MED12L: variants seen among roughly 807,000 people sequenced by gnomAD.
The protein encoded by MED12L is mediator of RNA polymerase II transcription subunit 12-like protein.
Under a neutral mutation model 281.3 loss-of-function variants are expected in MED12L, and 60 were observed. That is an observed-to-expected ratio of 0.21 (90% CI 0.17 to 0.26). The LOEUF is 0.26. Ranked by LOEUF, MED12L falls within the 10% of genes least tolerant of loss-of-function variation. MED12L has a pLI of 1.00. For synonymous variants in MED12L, 974 were observed against 987.2 expected (o/e 0.99, Z 0.25); for missense variants, 2,146 against 2,680.9 (o/e 0.80, Z 4.41).
intron 16 of MED12L, chr3:151,295,286 C>T: frequency 1.1e-6 from 1 of 919,428 alleles, no homozygotes; most frequent in Non-Finnish European, 1.7e-6. Context: ...CCCTTACAGA[C>T]CCAACTTTTT....
At chr3:151,384,448 A>G (rs1712957825) in intron 35 of MED12L, among the ~76,000 whole-genome samples, 1 of 152,244 alleles carries the variant, frequency 6.6e-6, no homozygotes, top group Non-Finnish European at 1.5e-5. Flanking sequence ...TTAATTTTTT[A>G]AAGAACTTTA....
At chr3:151,141,191 T>TTTTTTG (rs1281559611) in intron 5 of MED12L, among the ~76,000 whole-genome samples, 4 of 143,294 alleles carry the variant, frequency 2.8e-5, no homozygotes, top group Non-Finnish European at 6.0e-5. Context: ...TTTTTTGTTT[T>TTTTTTG]TTTTTTTTTG....
intron 16 of MED12L, among the ~76,000 whole-genome samples, chr3:151,279,822 C>T (rs545088188): frequency 1.3e-5 from 2 of 152,276 alleles, no homozygotes; most frequent in South Asian, 2.1e-4. Flanking sequence ...CTCTAAGGTG[C>T]GACTCTCAAG....
intron 10 of MED12L, 52 bp from the exon 11 acceptor site, chr3:151,165,794 T>C: frequency 6.4e-7 from 1 of 1,572,446 alleles, no homozygotes; most frequent in Non-Finnish European, 8.7e-7. Context: ...TACTGTGTTA[T>C]AACTGTGTTA....
intron 3 of MED12L, among the ~76,000 whole-genome samples, chr3:151,120,103 T>C (rs551680418): frequency 1.3e-4 from 19 of 147,976 alleles, no homozygotes; most frequent in African/African-American, 4.5e-4. Context: ...TCGGCACCCA[T>C]AATCCCAGCT....
chr3:151,307,293 C>A (rs1746784245), intron 16 of MED12L, among the ~76,000 whole-genome samples: 1 of 152,102 alleles, frequency 6.6e-6, no homozygotes, highest in African/African-American at 2.4e-5. Context: ...TTATGAGTTA[C>A]CTCTTATTGT....
Position 151,225,906 on chromosome 3 carries a change from T to G in MED12L, c.2250+32240T>G, listed in dbSNP as rs142580707. 1.1e-3 allele frequency among the ~76,000 whole-genome samples: 164 copies of G among 152,360 alleles called. 3 individuals are homozygous for G. In the East Asian group the frequency reaches 0.029, roughly 27 times the overall value. ...AGTTTTTGATATCATTGATTTCCCCTTGTTGAAATCTGCTGTTTATAAAGT... is the reference window on the plus strand; with the variant it reads ...AGTTTTTGATATCATTGATTTCCCCGTGTTGAAATCTGCTGTTTATAAAGT... On this transcript the variant is annotated intron_variant, in intron 16 of 44. Transcript: ENST00000687756.
At chr3:151,270,471 G>C (rs1740734350) in intron 16 of MED12L, among the ~76,000 whole-genome samples, 2 of 152,086 alleles carry the variant, frequency 1.3e-5, no homozygotes, top group African/African-American at 4.8e-5. Flanking sequence ...TGCTCTGCTG[G>C]AATTTGCATG....
intron 16 of MED12L, among the ~76,000 whole-genome samples, chr3:151,247,780 A>G (rs1014127960): frequency 4.6e-5 from 7 of 151,650 alleles, no homozygotes; most frequent in African/African-American, 1.7e-4. Context: ...AAAGCAAAAA[A>G]AAAATGAATT....
intron 16 of MED12L, among the ~76,000 whole-genome samples, chr3:151,313,598 C>T (rs1302489683): frequency 6.6e-6 from 1 of 151,946 alleles, no homozygotes; most frequent in Non-Finnish European, 1.5e-5. Flanking sequence ...GTAATCCCAG[C>T]ACTTTGGGAG....
Position 151,376,013 on chromosome 3 carries a change from A to G in MED12L, c.3865-13A>G, listed in dbSNP as rs770403420. Reference sequence around the variant, plus strand: ...GCCAGTGCCTGTCAATCTAATTGCCATATTATTTTTAGGAATGGGTAGGAG... The same window carrying G: ...GCCAGTGCCTGTCAATCTAATTGCCGTATTATTTTTAGGAATGGGTAGGAG... On this transcript the variant is annotated splice_polypyrimidine_tract_variant and intron_variant, in intron 27 of 44. Coordinates refer to ENST00000687756, the MANE Select transcript of MED12L (RefSeq NM_001393769.1). 6.0e-6 allele frequency: 9 copies of G among 1,507,004 alleles called. No individual in the cohort carries two copies. The South Asian group carries it at 8.0e-5, about 13-fold the overall frequency. 93.4% of individuals were successfully genotyped at this position (1,507,004 alleles called of 1,614,324 possible). A position where few individuals can be genotyped will look rare whatever the true frequency, so the allele number is the denominator to read the frequency against.
Position 151,158,657 on chromosome 3 carries a change from T to C in MED12L, c.727-32T>C, listed in dbSNP as rs779100676. On this transcript the variant is annotated intron_variant, in intron 6 of 44. Coordinates refer to ENST00000687756, the MANE Select transcript of MED12L (RefSeq NM_001393769.1). Reference sequence around the variant, plus strand: ...CCTTTTTTGTTTTTTTTCTTTAACATTATTAATGTAATTTTTCTTTGTTCA... The same window carrying C: ...CCTTTTTTGTTTTTTTTCTTTAACACTATTAATGTAATTTTTCTTTGTTCA... 15 of 1,442,964 alleles carry C rather than the reference T, an allele frequency of 1.0e-5. No individual in the cohort carries two copies. In the East Asian group the frequency reaches 3.5e-4, roughly 33 times the overall value. 89.4% of individuals were successfully genotyped at this position (1,442,964 alleles called of 1,614,324 possible).
intron 3 of MED12L, among the ~76,000 whole-genome samples, chr3:151,117,789 A>G (rs1409773602): frequency 1.3e-5 from 2 of 152,072 alleles, no homozygotes; most frequent in Non-Finnish European, 2.9e-5. Flanking sequence ...CTGTGTGTTT[A>G]TCTTATCAAT....
intron 16 of MED12L, among the ~76,000 whole-genome samples, chr3:151,283,870 T>C (rs1413623524): frequency 2.0e-5 from 3 of 152,248 alleles, no homozygotes; most frequent in African/African-American, 7.2e-5. Flanking sequence ...TTGTACACTT[T>C]TGAATCCCTT....
chr3:151,371,996 CAG>C (rs529465120), intron 26 of MED12L, among the ~76,000 whole-genome samples: 40 of 152,222 alleles, frequency 2.6e-4, no homozygotes, highest in Non-Finnish European at 3.2e-4. Context: ...GGTAAAAAAA[CAG>C]GGGTTATTCA....
intron 16 of MED12L, among the ~76,000 whole-genome samples, chr3:151,258,726 C>T (rs1032121370): frequency 2.6e-5 from 4 of 152,062 alleles, no homozygotes; most frequent in Admixed American, 2.6e-4. Flanking sequence ...GTGGTGCATG[C>T]CTGTAGTCCC....
At chr3:151,128,712 C>G (rs1423671496) in intron 5 of MED12L, among the ~76,000 whole-genome samples, 2 of 152,238 alleles carry the variant, frequency 1.3e-5, no homozygotes, top group East Asian at 1.9e-4. Flanking sequence ...TGCATTCCCT[C>G]TCTTTCTCTC....
chr3:151,088,780 T>G (rs1254162371), intron 2 of MED12L, among the ~76,000 whole-genome samples: 3 of 152,240 alleles, frequency 2.0e-5, no homozygotes, highest in African/African-American at 7.2e-5. Flanking sequence ...TTGACTCGTT[T>G]AACCAAGGTG....
intron 16 of MED12L, among the ~76,000 whole-genome samples, chr3:151,195,357 T>C (rs531783475): frequency 7.9e-5 from 12 of 152,312 alleles, no homozygotes; most frequent in Non-Finnish European, 4.4e-5. Context: ...AAAGTCTCTT[T>C]TTTTGTAATT....
Sources: allele counts gnomAD v4.1 joint callset (sites outside exome capture counted in the v4.1 genomes callset), GRCh38; gene constraint gnomAD v4.1.1; transcripts MANE v1.5; gene names NCBI Gene and HGNC (gene_info 2026-07-23, HGNC 2026-07-21).